Variants in CSMD1 observed in about 807,000 individuals in gnomAD.
CSMD1 encodes CUB and sushi domain-containing protein 1.
In CSMD1, 213 loss-of-function variants were observed where a neutral mutation model predicts 417.5. The observed-to-expected ratio is 0.51, with a 90% CI of 0.46 to 0.57. CSMD1 has a LOEUF of 0.57. Ranked by LOEUF, CSMD1 falls within the 20% of genes least tolerant of loss-of-function variation. The pLI, the probability that CSMD1 is intolerant of heterozygous loss-of-function variation, is 0.00. For synonymous variants in CSMD1, 2,862 were observed against 1,736.8 expected (o/e 1.65, Z -16.11); for missense variants, 6,923 against 4,529.7 (o/e 1.53, Z -15.17).
At chr8:4,216,375 C>T (rs1033929819) in intron 3 of CSMD1, among the ~76,000 whole-genome samples, 3 of 152,186 alleles carry the variant, frequency 2.0e-5, no homozygotes, top group Admixed American at 2.0e-4. Flanking sequence ...ATGGTGCACA[C>T]ACCATCAGAA....
chr8:4,123,006 C>CA, intron 3 of CSMD1, among the ~76,000 whole-genome samples: 1 of 152,302 alleles, frequency 6.6e-6, no homozygotes, highest in Admixed American at 6.5e-5. Context: ...ACTGAGCTTC[C>CA]AGCTTTGACA....
chr8:4,430,154 C>A (rs914154571), intron 2 of CSMD1, among the ~76,000 whole-genome samples: 1 of 152,156 alleles, frequency 6.6e-6, no homozygotes, highest in African/African-American at 2.4e-5. Context: ...AAATCTATGT[C>A]AGAATCTATC....
intron 52 of CSMD1, among the ~76,000 whole-genome samples, chr8:3,001,472 G>A (rs1266728638): frequency 6.6e-6 from 1 of 152,072 alleles, no homozygotes; most frequent in Non-Finnish European, 1.5e-5. Flanking sequence ...TTGGACCTGT[G>A]TTACACATGG....
chr8:4,620,319 A>T (rs1801701305), intron 2 of CSMD1, among the ~76,000 whole-genome samples: 1 of 151,620 alleles, frequency 6.6e-6, no homozygotes, highest in African/African-American at 2.4e-5. Context: ...TGTATTACAC[A>T]CACATATATA....
intron 7 of CSMD1, among the ~76,000 whole-genome samples, chr8:3,668,922 C>A (rs969203639): frequency 7.2e-5 from 11 of 152,154 alleles, no homozygotes; most frequent in Admixed American, 3.3e-4. Flanking sequence ...TCAGCCATAG[C>A]TCTTTGAGAG....
chr8:4,968,547 T>G (rs1279690788), intron 1 of CSMD1, among the ~76,000 whole-genome samples: 2 of 152,096 alleles, frequency 1.3e-5, no homozygotes, highest in Non-Finnish European at 2.9e-5. Context: ...CAATTAATAT[T>G]TTTTATATAT....
intron 5 of CSMD1, among the ~76,000 whole-genome samples, chr8:3,765,357 T>A (rs998432030): frequency 1.3e-5 from 2 of 152,118 alleles, no homozygotes; most frequent in Non-Finnish European, 2.9e-5. Context: ...TCCAGAGACC[T>A]TTCTCTCCTT....
chr8:3,683,436 A>C (rs747975448), intron 7 of CSMD1, among the ~76,000 whole-genome samples: 1 of 152,096 alleles, frequency 6.6e-6, no homozygotes, highest in African/African-American at 2.4e-5. Flanking sequence ...CTATCTGCCT[A>C]AAGGGAATTC....
intron 2 of CSMD1, among the ~76,000 whole-genome samples, chr8:4,514,348 C>G (rs1802999680): frequency 6.6e-6 from 1 of 152,106 alleles, no homozygotes; most frequent in Non-Finnish European, 1.5e-5. Context: ...TACGGCTATA[C>G]TGCAGATCAG....
At chr8:3,834,289 T>C (rs1207173369) in intron 5 of CSMD1, among the ~76,000 whole-genome samples, 1 of 152,150 alleles carries the variant, frequency 6.6e-6, no homozygotes, top group Non-Finnish European at 1.5e-5. Flanking sequence ...CCAACTGACA[T>C]TCCATGACTT....
intron 5 of CSMD1, among the ~76,000 whole-genome samples, chr8:3,917,039 C>A (rs544220458): frequency 7.0e-4 from 107 of 152,276 alleles, no homozygotes; most frequent in Non-Finnish European, 1.1e-3. Context: ...ATTTTATTTT[C>A]TTCCTCTTTT....
At chr8:4,469,023 A>C (rs981950101) in intron 2 of CSMD1, among the ~76,000 whole-genome samples, 1 of 152,230 alleles carries the variant, frequency 6.6e-6, no homozygotes, top group African/African-American at 2.4e-5. Flanking sequence ...AAAGTTCAAA[A>C]GACAATGCTA....
At chr8:4,175,835 G>C (rs1272185084) in intron 3 of CSMD1, among the ~76,000 whole-genome samples, 4 of 152,148 alleles carry the variant, frequency 2.6e-5, no homozygotes, top group East Asian at 1.9e-4. Context: ...CAGAGTGAAA[G>C]TAACTGGAAA....
chr8:4,706,309 A>G (rs1050568111), intron 1 of CSMD1, among the ~76,000 whole-genome samples: 1 of 152,094 alleles, frequency 6.6e-6, no homozygotes, highest in African/African-American at 2.4e-5. Flanking sequence ...ACCCCATGAA[A>G]TAAGAAATAA....
chr8:4,696,879 T>C (rs1270395890), intron 1 of CSMD1, among the ~76,000 whole-genome samples: 1 of 152,152 alleles, frequency 6.6e-6, no homozygotes, highest in Non-Finnish European at 1.5e-5. Flanking sequence ...AAACTATGAA[T>C]TCAAAAAATC....
intron 7 of CSMD1, among the ~76,000 whole-genome samples, chr8:3,629,951 A>G (rs1391491062): frequency 6.6e-6 from 1 of 152,222 alleles, no homozygotes; most frequent in Non-Finnish European, 1.5e-5. Context: ...CTACAGTCTT[A>G]TTGAATTATA....
chr8:4,174,125 G>T (rs899570726), intron 3 of CSMD1, among the ~76,000 whole-genome samples: 1 of 152,070 alleles, frequency 6.6e-6, no homozygotes, highest in African/African-American at 2.4e-5. Context: ...GGCAAGCCTG[G>T]AAAGGGAGGG....
intron 50 of CSMD1, among the ~76,000 whole-genome samples, chr8:3,048,052 C>G (rs891782685): frequency 3.3e-5 from 5 of 152,150 alleles, no homozygotes; most frequent in Non-Finnish European, 7.3e-5. Flanking sequence ...GGTAACACAT[C>G]ATTGCTTACA....
chr8:3,495,413 G>C (rs576238590), intron 10 of CSMD1, among the ~76,000 whole-genome samples: 2 of 152,136 alleles, frequency 1.3e-5, no homozygotes, highest in Non-Finnish European at 2.9e-5. Flanking sequence ...TGTACAGATA[G>C]GGGTCACACT....
Sources: allele counts gnomAD v4.1 joint callset (sites outside exome capture counted in the v4.1 genomes callset), GRCh38; gene constraint gnomAD v4.1.1; transcripts MANE v1.5; gene names NCBI Gene and HGNC (gene_info 2026-07-23, HGNC 2026-07-21).